Variants in CELF2 observed in about 807,000 individuals in gnomAD.
The protein encoded by CELF2 is CUGBP Elav-like family member 2.
In CELF2, 8 loss-of-function variants were observed where a neutral mutation model predicts 62.6. That is an observed-to-expected ratio of 0.13 (90% confidence interval 0.07 to 0.23). CELF2 has a LOEUF of 0.23. CELF2 is among the 10% of genes least tolerant of loss of function. The probability of loss-of-function intolerance (pLI) is 1.00; values close to 1 mark genes in which losing one functional copy is unlikely to be tolerated. For synonymous variants in CELF2, 258 were observed against 250.0 expected, an observed-to-expected ratio of 1.03 and a Z score of -0.30; for missense variants, 333 against 671.0, an observed-to-expected ratio of 0.50 and a Z score of 5.56.
In CELF2 at chr10:11,324,412, T is replaced by C. The variant is rs2095617429; in HGVS notation, c.1295-1424T>C. ...GTGTTTCAGGTTTTGCATCTTTTCA[T>C]GTTAAATTTTGATTCCCTTAAAACC... On this transcript the variant is annotated intron_variant, in intron 11 of 12. Transcript: ENST00000633077. The surrounding 1 kb of genome is among the most constrained non-coding windows in gnomAD (Gnocchi z 4.7). 6.6e-6 allele frequency among the ~76,000 whole-genome samples: 1 copy of C among 152,224 alleles called. No individual in the cohort carries two copies. The highest frequency in any genetic ancestry group is 1.9e-4 in the East Asian group (1 of 5,200).
At chr10:11,171,841 G>C (rs1254274430) in intron 2 of CELF2, among the ~76,000 whole-genome samples, 1 of 151,994 alleles carries the variant, frequency 6.6e-6, no homozygotes, top group Non-Finnish European at 1.5e-5. Context: ...CAAACCATTT[G>C]TTTCTTCTTT....
Position 10,931,479 on chromosome 10 carries a change from A to G in CELF2, c.89+11480A>G, listed in dbSNP as rs550758243. Reference sequence around the variant, plus strand: ...GTAAGTGGAAACTCTATTTACCACCACAGTTATAGCATTTGAGACCCTCCC... The same window carrying G: ...GTAAGTGGAAACTCTATTTACCACCGCAGTTATAGCATTTGAGACCCTCCC... On this transcript the variant is annotated intron_variant, in intron 2 of 13. Coordinates refer to the CELF2 transcript ENST00000636488. The surrounding 1 kb of genome is among the most constrained non-coding windows in gnomAD (Gnocchi z 6.1). 6.6e-6 allele frequency among the ~76,000 whole-genome samples: 1 copy of G among 152,270 alleles called. No homozygotes were observed. Among genetic ancestry groups the G allele is most frequent in the African/African-American group, 2.4e-5 (1 of 41,546 alleles).
chr10:10,491,914 G>C, the CELF2 span, among the ~76,000 whole-genome samples: 3 of 152,032 alleles, frequency 2.0e-5, no homozygotes, highest in Admixed American at 2.0e-4. Flanking sequence ...TTATACATGA[G>C]ATCCTTTTTT....
chr10:10,611,624 A>G, the CELF2 span, among the ~76,000 whole-genome samples: 5 of 152,324 alleles, frequency 3.3e-5, no homozygotes, highest in South Asian at 8.3e-4. Flanking sequence ...CAAAAAGTCA[A>G]TGTCATCTCT....
At chr10:10,496,891 A>G in the CELF2 span, among the ~76,000 whole-genome samples, 1 of 152,044 alleles carries the variant, frequency 6.6e-6, no homozygotes, top group Admixed American at 6.6e-5. Flanking sequence ...AAGTTATGTA[A>G]TAAAAACAAG....
In CELF2 at chr10:11,215,591, CTT is replaced by C. The variant is rs11305966; in HGVS notation, c.272-1821_272-1820del. ...ACCTGCCTGAAAGTATCAGATTCTG[CTT>C]TTTTTTTTTTTTAACTGTGGTTATT... is the stretch of plus-strand genomic sequence containing the variant. On this transcript the variant is annotated intron_variant, in intron 2 of 12. Coordinates refer to ENST00000633077, the MANE Select transcript of CELF2 (RefSeq NM_001326342.2). Among the ~76,000 whole-genome samples, 655 of 146,930 alleles carry C rather than the reference CTT, an allele frequency of 4.5e-3. 1 individual carries two copies. Among genetic ancestry groups the C allele is most frequent in the Middle Eastern group, 7.0e-3 (2 of 286 alleles).
intron 2 of CELF2, among the ~76,000 whole-genome samples, chr10:10,932,549 A>G (rs922204111): frequency 6.6e-6 from 1 of 152,216 alleles, no homozygotes; most frequent in African/African-American, 2.4e-5. Context: ...TTAAAAATTA[A>G]ACTAATAAAT....
the CELF2 span, among the ~76,000 whole-genome samples, chr10:10,519,548 C>T: frequency 6.6e-6 from 1 of 152,254 alleles, no homozygotes; most frequent in East Asian, 1.9e-4. Context: ...ACAGATGTAT[C>T]CTGTGAAAGC....
chr10:10,743,404 C>T, the CELF2 span, among the ~76,000 whole-genome samples: 1 of 152,164 alleles, frequency 6.6e-6, no homozygotes, highest in Non-Finnish European at 1.5e-5. Context: ...TCATACTGTG[C>T]AGCTAGATCA....
chr10:10,759,707 T>C, the CELF2 span, among the ~76,000 whole-genome samples: 1 of 152,004 alleles, frequency 6.6e-6, no homozygotes, highest in Non-Finnish European at 1.5e-5. Flanking sequence ...ACCATTGTCA[T>C]GGTGATTCTT....
At chr10:10,964,618 C>A (rs191500148) in intron 2 of CELF2, among the ~76,000 whole-genome samples, 4 of 152,234 alleles carry the variant, frequency 2.6e-5, no homozygotes, top group Non-Finnish European at 5.9e-5. Context: ...CAGAAGAAAG[C>A]CTGGGGCTTT....
intron 3 of CELF2, among the ~76,000 whole-genome samples, chr10:11,239,103 A>G (rs530080854): frequency 6.6e-6 from 1 of 152,206 alleles, no homozygotes; most frequent in African/African-American, 2.4e-5. Context: ...GTCAGAAATG[A>G]TGACTTAATC....
chr10:11,001,368 T>C (rs1215306574), upstream of CELF2, among the ~76,000 whole-genome samples: 1 of 152,228 alleles, frequency 6.6e-6, no homozygotes, highest in African/African-American at 2.4e-5. Flanking sequence ...TGTCAGGCTC[T>C]GGCATATTTT....
At chr10:10,954,186 C>T (rs1023047461) in intron 2 of CELF2, among the ~76,000 whole-genome samples, 20 of 150,034 alleles carry the variant, frequency 1.3e-4, no homozygotes, top group Non-Finnish European at 8.9e-5. Flanking sequence ...GGTACAAAAT[C>T]TATAGAGGGC....
At chr10:11,304,524 G>C (rs939906457) in intron 9 of CELF2, among the ~76,000 whole-genome samples, 5 of 152,216 alleles carry the variant, frequency 3.3e-5, no homozygotes, top group Non-Finnish European at 5.9e-5. Flanking sequence ...CTTGCTGGTG[G>C]GGACTCTGCA....
At chr10:10,917,627 C>T (rs924268316) in intron 1 of CELF2, among the ~76,000 whole-genome samples, 13 of 152,196 alleles carry the variant, frequency 8.5e-5, no homozygotes, top group Admixed American at 2.0e-4. Context: ...ATGTGTGAGC[C>T]GCTGTGCTTG....
At position 10,880,447 on chromosome 10, in the gene CELF2, C is replaced by T. The variant is rs1189376813; in HGVS notation, c.54-39517C>T. 2.6e-5 allele frequency among the ~76,000 whole-genome samples: 4 copies of T among 152,124 alleles called. No homozygotes were observed. In the South Asian group the frequency reaches 8.3e-4, roughly 32 times the overall value. Reference sequence around the variant, plus strand: ...ACGCAGGAAATTATCTGACCTCATTCCTTAGGATGGTGAAATAGAGAAGGG... The same window carrying T: ...ACGCAGGAAATTATCTGACCTCATTTCTTAGGATGGTGAAATAGAGAAGGG... On this transcript the variant is annotated intron_variant, in intron 1 of 13. Transcript: ENST00000636488.
chr10:11,109,341 G>A (rs1239905110), intron 1 of CELF2, among the ~76,000 whole-genome samples: 1 of 152,094 alleles, frequency 6.6e-6, no homozygotes, highest in East Asian at 1.9e-4. Context: ...TTTGTTTCTG[G>A]AATAGCAAAC....
intron 1 of CELF2, among the ~76,000 whole-genome samples, chr10:11,072,196 A>G (rs562130920): frequency 6.6e-6 from 1 of 152,202 alleles, no homozygotes; most frequent in Non-Finnish European, 1.5e-5. Context: ...AGATGTTTTC[A>G]GCCCATGGAA....
Sources: gnomAD v4.1 joint callset for allele counts (sites outside exome capture counted in the v4.1 genomes callset) on GRCh38, gnomAD v4.1.1 for gene constraint, Gnocchi (gnomAD v3.1) non-coding constraint, MANE v1.5 for transcripts, NCBI Gene and HGNC (gene_info 2026-07-23, HGNC 2026-07-21) for gene names.